The following PDE7B variants were observed in gnomAD, a reference collection of about 807,000 sequenced individuals.
The protein encoded by PDE7B is 3',5'-cyclic-AMP phosphodiesterase 7B.
PDE7B carries 29 observed loss-of-function variants against 56.2 expected under a neutral mutation model. The observed-to-expected ratio is 0.52, with a 90% CI of 0.38 to 0.70. The LOEUF (loss-of-function observed/expected upper bound fraction) is 0.70. Ranked by LOEUF, PDE7B falls within the 30% of genes least tolerant of loss-of-function variation. The pLI is 0.00. For synonymous variants in PDE7B, 197 were observed against 196.9 expected (o/e 1.00, Z 0.00); for missense variants, 490 against 565.0 (o/e 0.87, Z 1.35).
chr6:136,023,694 T>C (rs1245469509), intron 2 of PDE7B, among the ~76,000 whole-genome samples: 1 of 152,274 alleles, frequency 6.6e-6, no homozygotes, highest in East Asian at 1.9e-4. Context: ...CCATCACTCT[T>C]ACAGGAAACT....
At chr6:136,078,585 G>GAA (rs11323054) in intron 2 of PDE7B, among the ~76,000 whole-genome samples, 2 of 145,542 alleles carry the variant, frequency 1.4e-5, no homozygotes, top group Admixed American at 6.9e-5. Context: ...TAAAAATCCT[G>GAA]AAAAAAAAAA....
intron 1 of PDE7B, among the ~76,000 whole-genome samples, chr6:135,868,032 A>T (rs1016326058): frequency 6.6e-6 from 1 of 152,252 alleles, no homozygotes. Flanking sequence ...AAAAAAATTT[A>T]TAAGTCTGAT....
chr6:136,077,321 A>C (rs536755577), intron 2 of PDE7B, among the ~76,000 whole-genome samples: 1 of 152,236 alleles, frequency 6.6e-6, no homozygotes. Context: ...AAAAACATAA[A>C]GATGTGTGGT....
intron 2 of PDE7B, among the ~76,000 whole-genome samples, chr6:136,029,588 A>C (rs991789968): frequency 2.6e-5 from 4 of 152,232 alleles, no homozygotes; most frequent in Non-Finnish European, 4.4e-5. Context: ...ATAGACCCAG[A>C]GGTCCAAATA....
chr6:135,910,407 T>G (rs572081845), intron 1 of PDE7B, among the ~76,000 whole-genome samples: 2 of 152,342 alleles, frequency 1.3e-5, no homozygotes, highest in South Asian at 4.1e-4. Flanking sequence ...TTTTTTGTTT[T>G]GTTTTGTTTT....
rs113343254 is a variant in PDE7B, at chr6:135,890,054, G to A, written c.21+38035G>A. Among the ~76,000 whole-genome samples the A allele has an allele frequency of 6.1e-3, 925 of 152,188 alleles. 8 individuals carry two copies. Among genetic ancestry groups the A allele is most frequent in the African/African-American group, 0.021 (868 of 41,524 alleles). On this transcript the variant is annotated intron_variant, in intron 1 of 12. Transcript: ENST00000308191. ...AGGCATGAGCCACCACACCCAGATG[G>A]TGCTACTTTTTATATCAGTCTCAGT...
At chr6:135,955,826 G>A (rs771628372) in intron 2 of PDE7B, among the ~76,000 whole-genome samples, 1 of 152,174 alleles carries the variant, frequency 6.6e-6, no homozygotes, top group African/African-American at 2.4e-5. Flanking sequence ...TGGGTTGAGT[G>A]TATGAAGTGT....
rs537453070 is a variant in PDE7B, at chr6:136,190,368, A to G, written c.1127-1246A>G. Among the ~76,000 whole-genome samples, 6 of 152,328 alleles carry G rather than the reference A, an allele frequency of 3.9e-5. No individual in the cohort carries two copies. The South Asian group carries it at 1.0e-3, about 26-fold the overall frequency. On this transcript the variant is annotated intron_variant, in intron 12 of 12. Coordinates refer to ENST00000308191, the MANE Select transcript of PDE7B (RefSeq NM_018945.4). The stretch of plus-strand genomic sequence containing the variant: ...ATAAGATGAGACAATGCAGAAATGT[A>G]CAATAACAGTGTGTATTGCTGCATC...
chr6:135,948,894 GATA>G (rs1562449564), intron 2 of PDE7B, among the ~76,000 whole-genome samples: 15 of 126,246 alleles, frequency 1.2e-4, no homozygotes, highest in Non-Finnish European at 1.4e-4. Context: ...TAGATAGATA[GATA>G]GACAGACAGA....
At chr6:135,906,416 G>A (rs1332348401) in intron 1 of PDE7B, among the ~76,000 whole-genome samples, 1 of 152,122 alleles carries the variant, frequency 6.6e-6, no homozygotes, top group African/African-American at 2.4e-5. Flanking sequence ...CCTACTGTTT[G>A]ATATTTAGCT....
chr6:136,029,813 T>G (rs1219714482), intron 2 of PDE7B, among the ~76,000 whole-genome samples: 3 of 152,194 alleles, frequency 2.0e-5, no homozygotes, highest in African/African-American at 7.2e-5. Flanking sequence ...TGTGCTGGGC[T>G]TTTTTCCCTT....
At chr6:136,117,377 A>G (rs1777851363) in intron 3 of PDE7B, among the ~76,000 whole-genome samples, 1 of 152,152 alleles carries the variant, frequency 6.6e-6, no homozygotes. Flanking sequence ...CCCACCTTCA[A>G]CGTTTCAGAA....
intron 1 of PDE7B, among the ~76,000 whole-genome samples, chr6:135,877,020 G>A (rs528274467): frequency 2.6e-5 from 4 of 151,034 alleles, no homozygotes; most frequent in East Asian, 1.9e-4. Flanking sequence ...TCATATTTGC[G>A]TTTTCATCTT....
chr6:135,994,988 T>C (rs1241001424), intron 2 of PDE7B, among the ~76,000 whole-genome samples: 2 of 152,214 alleles, frequency 1.3e-5, no homozygotes, highest in African/African-American at 4.8e-5. Context: ...CTTTCATCAA[T>C]AGTAAGCACT....
intron 3 of PDE7B, among the ~76,000 whole-genome samples, chr6:136,141,386 A>C (rs1381484952): frequency 2.0e-5 from 3 of 152,020 alleles, no homozygotes; most frequent in African/African-American, 7.2e-5. Flanking sequence ...TATTGAGGAT[A>C]CTTGCATTGA....
chr6:136,130,471 G>A (rs181932298), intron 3 of PDE7B, among the ~76,000 whole-genome samples: 2 of 152,332 alleles, frequency 1.3e-5, no homozygotes, highest in Admixed American at 1.3e-4. Context: ...GCAAAGTAGA[G>A]CATCACTTTC....
rs1052919542 is a variant in PDE7B, at chr6:135,925,850, A to AT, written c.22-21606dup. ...ATATTCATTTTACACAAACTACATA[A>AT]TTTTTTTTAAAAAATGTTTTGCCCT... On this transcript the variant is annotated intron_variant, in intron 1 of 12. Transcript: ENST00000308191. 9.9e-5 allele frequency among the ~76,000 whole-genome samples: 15 copies of AT among 152,034 alleles called. No homozygotes were observed. The East Asian group carries it at 1.5e-3, about 16-fold the overall frequency.
chr6:136,138,409 T>G (rs1778253265), intron 3 of PDE7B, among the ~76,000 whole-genome samples: 1 of 152,110 alleles, frequency 6.6e-6, no homozygotes, highest in Non-Finnish European at 1.5e-5. Flanking sequence ...ATTTTTTTCC[T>G]CCCATCTTCA....
intron 2 of PDE7B, among the ~76,000 whole-genome samples, chr6:136,081,077 G>A (rs1777200063): frequency 6.6e-6 from 1 of 152,196 alleles, no homozygotes; most frequent in Admixed American, 6.5e-5. Context: ...AATAAGGCTG[G>A]AGAATTGGAC....
Sources: allele counts gnomAD v4.1 joint callset (sites outside exome capture counted in the v4.1 genomes callset), GRCh38; gene constraint gnomAD v4.1.1; transcripts MANE v1.5; gene names NCBI Gene and HGNC (gene_info 2026-07-23, HGNC 2026-07-21).